Variants in CDH12 observed in about 807,000 individuals in gnomAD.
The protein encoded by CDH12 is cadherin 12, also known as cadherin-12.
CDH12 carries 41 observed loss-of-function variants against 74.1 expected under a neutral mutation model. The observed-to-expected ratio is 0.55, with a 90% CI of 0.43 to 0.72. The LOEUF (loss-of-function observed/expected upper bound fraction) is 0.72, where lower values mean the gene tolerates loss of function less well. Among genes scored for constraint, CDH12 ranks in the 30% least tolerant of loss-of-function variants. The pLI, the probability that CDH12 is intolerant of heterozygous loss-of-function variation, is 0.00. For synonymous variants in CDH12, 399 were observed against 355.0 expected (o/e 1.12, Z -1.39); for missense variants, 945 against 977.2 (o/e 0.97, Z 0.44).
chr5:22,570,170 C>T (rs1047926664), intron 1 of CDH12, among the ~76,000 whole-genome samples: 3 of 151,934 alleles, frequency 2.0e-5, no homozygotes, highest in African/African-American at 4.8e-5. Context: ...ATTCTCCTGC[C>T]TCAGCCTCTC....
intron 7 of CDH12, among the ~76,000 whole-genome samples, chr5:21,851,076 A>T (rs1442112193): frequency 1.3e-5 from 2 of 151,274 alleles, no homozygotes; most frequent in Non-Finnish European, 3.0e-5. Context: ...AAACAATTTC[A>T]TAGATTAACA....
chr5:22,566,111 A>G (rs562336346), intron 1 of CDH12, among the ~76,000 whole-genome samples: 15 of 152,362 alleles, frequency 9.8e-5, no homozygotes, highest in African/African-American at 2.9e-4. Flanking sequence ...ATTACTTGGT[A>G]TTTAAAAAAG....
chr5:21,817,271 G>C (rs1748112385), intron 8 of CDH12, 139 bp from the exon 9 acceptor site: 1 of 543,718 alleles, frequency 1.8e-6, no homozygotes, highest in African/African-American at 2.0e-5. Context: ...GCAATTTGCT[G>C]TCAAGTTAAG....
chr5:22,594,827 G>A (rs1433061811), intron 1 of CDH12, among the ~76,000 whole-genome samples: 2 of 152,088 alleles, frequency 1.3e-5, no homozygotes, highest in African/African-American at 2.4e-5. Flanking sequence ...ACAAGGACTG[G>A]CTGTTCTCTG....
At chr5:22,565,947 G>A (rs1156604230) in intron 1 of CDH12, among the ~76,000 whole-genome samples, 2 of 152,084 alleles carry the variant, frequency 1.3e-5, no homozygotes, top group Non-Finnish European at 2.9e-5. Context: ...AAGAAAAGAT[G>A]AGATCTTGGA....
intron 10 of CDH12, among the ~76,000 whole-genome samples, chr5:21,788,058 T>C (rs958004668): frequency 1.3e-5 from 2 of 152,298 alleles, no homozygotes; most frequent in African/African-American, 2.4e-5. Context: ...GTGTCCACTA[T>C]ACACTAGACA....
rs139196486 is a variant in CDH12 at position 22,833,808 on chromosome 5, T to G, written c.-523+19250A>C. Among the ~76,000 whole-genome samples, 376 of 152,322 alleles carry G rather than the reference T, an allele frequency of 2.5e-3. 1 individual carries two copies. Among genetic ancestry groups the G allele is most frequent in the African/African-American group, 8.2e-3 (339 of 41,580 alleles). On this transcript the variant is annotated intron_variant, in intron 1 of 14. Coordinates refer to ENST00000382254, the MANE Select transcript of CDH12 (RefSeq NM_004061.5). ...TACATTATACCAGAATTTCATCATC[T>G]GTCTTGGAAAATCTTTTTAATTGAC...
chr5:22,534,197 T>C (rs1206722329), intron 1 of CDH12, among the ~76,000 whole-genome samples: 1 of 152,132 alleles, frequency 6.6e-6, no homozygotes, highest in Non-Finnish European at 1.5e-5. Context: ...TACTTCTTTT[T>C]TTTTTAATTT....
At chr5:22,763,935 G>A (rs977185303) in intron 1 of CDH12, among the ~76,000 whole-genome samples, 6 of 151,844 alleles carry the variant, frequency 4.0e-5, no homozygotes, top group African/African-American at 4.8e-5. Context: ...ATTGGCTAAA[G>A]TATAAAATAT....
intron 3 of CDH12, among the ~76,000 whole-genome samples, chr5:22,403,611 C>A (rs546564601): frequency 6.6e-6 from 1 of 152,182 alleles, no homozygotes; most frequent in Admixed American, 6.5e-5. Context: ...AAAGTATCAC[C>A]AATGAAAGAT....
At chr5:22,695,963 T>C (rs1742335138) in intron 1 of CDH12, among the ~76,000 whole-genome samples, 1 of 152,192 alleles carries the variant, frequency 6.6e-6, no homozygotes, top group African/African-American at 2.4e-5. Flanking sequence ...TATTCAACAA[T>C]CTTAACCAAC....
intron 8 of CDH12, among the ~76,000 whole-genome samples, chr5:21,822,504 A>G (rs759559804): frequency 6.6e-6 from 1 of 152,048 alleles, no homozygotes; most frequent in South Asian, 2.1e-4. Context: ...TGTATTTTCA[A>G]TATGCCCAAA....
At chr5:22,527,910 T>A (rs985752995) in intron 1 of CDH12, among the ~76,000 whole-genome samples, 2 of 152,188 alleles carry the variant, frequency 1.3e-5, no homozygotes, top group African/African-American at 4.8e-5. Flanking sequence ...CTCTGCTAAG[T>A]GAGCTCATAT....
At chr5:22,138,845 AATATATAT>A (rs67115449) in intron 4 of CDH12, among the ~76,000 whole-genome samples, 1,204 of 76,578 alleles carry the variant, frequency 0.016, 49 homozygotes, top group African/African-American at 0.044. Context: ...ATATATACGT[AATATATAT>A]ATATATATAT....
Position 22,605,220 on chromosome 5 carries a change from G to A in CDH12, c.-522-99856C>T, listed in dbSNP as rs146109923. On this transcript the variant is annotated intron_variant, in intron 1 of 14. Transcript: ENST00000382254. ...TCAGCTGTACTGTGCACTCCGAGGC[G>A]TGGAGCCTGCCTGTCCACACTGCAG... is the stretch of plus-strand genomic sequence containing the variant. 1.4e-4 allele frequency among the ~76,000 whole-genome samples: 21 copies of A among 152,304 alleles called. No homozygotes were observed. In the East Asian group the frequency reaches 1.9e-3, roughly 14 times the overall value.
intron 10 of CDH12, among the ~76,000 whole-genome samples, chr5:21,789,116 G>T (rs1005056991): frequency 6.6e-6 from 1 of 151,982 alleles, no homozygotes; most frequent in African/African-American, 2.4e-5. Flanking sequence ...CTAAATTAGA[G>T]TAAAATATAG....
chr5:22,700,075 G>A (rs922105481), intron 1 of CDH12, among the ~76,000 whole-genome samples: 2 of 152,004 alleles, frequency 1.3e-5, no homozygotes, highest in African/African-American at 4.8e-5. Context: ...GCTGAAGCTG[G>A]AGAATTGCTT....
chr5:21,868,043 T>C (rs898455563), intron 6 of CDH12, among the ~76,000 whole-genome samples: 3 of 152,188 alleles, frequency 2.0e-5, no homozygotes, highest in African/African-American at 7.2e-5. Context: ...GGGAAACCCC[T>C]TTCACTTGGT....
chr5:22,274,966 C>T (rs1736564537), intron 3 of CDH12, among the ~76,000 whole-genome samples: 1 of 151,898 alleles, frequency 6.6e-6, no homozygotes, highest in South Asian at 2.1e-4. Context: ...GTATGAGTTC[C>T]AATATGAAGG....
Sources: gnomAD v4.1 joint callset for allele counts (sites outside exome capture counted in the v4.1 genomes callset) on GRCh38, gnomAD v4.1.1 for gene constraint, MANE v1.5 for transcripts, NCBI Gene and HGNC (gene_info 2026-07-23, HGNC 2026-07-21) for gene names.